The following QKI variants were observed in gnomAD, a reference collection of about 807,000 sequenced individuals.
QKI encodes the protein KH domain-containing RNA-binding protein QKI.
In QKI, 10 loss-of-function variants were observed where a neutral mutation model predicts 39.0. That is an observed-to-expected ratio of 0.26 (90% CI 0.16 to 0.43). QKI has a LOEUF of 0.43. Among genes scored for constraint, QKI ranks in the 20% least tolerant of loss-of-function variants. The pLI is 1.00. For synonymous variants in QKI, 204 were observed against 155.4 expected (o/e 1.31, Z -2.33); for missense variants, 218 against 428.0 (o/e 0.51, Z 4.33).
At chr6:163,437,997 A>G (rs1020091394) in intron 1 of QKI, among the ~76,000 whole-genome samples, 2 of 152,182 alleles carry the variant, frequency 1.3e-5, no homozygotes, top group African/African-American at 4.8e-5. Context: ...GTGTTTGAGT[A>G]GCTTTTAAGG....
intron 1 of QKI, among the ~76,000 whole-genome samples, chr6:163,449,270 A>G (rs1790377357): frequency 6.6e-6 from 1 of 152,216 alleles, no homozygotes; most frequent in Non-Finnish European, 1.5e-5. Context: ...GTGTTTATAT[A>G]TACTTGTCGT....
chr6:163,542,903 A>T (rs1473058332), intron 4 of QKI, among the ~76,000 whole-genome samples: 1 of 152,078 alleles, frequency 6.6e-6, no homozygotes, highest in Non-Finnish European at 1.5e-5. Flanking sequence ...ATTTGAAAAT[A>T]TTCATCAAGA....
chr6:163,538,455 T>C (rs975132223), intron 4 of QKI, among the ~76,000 whole-genome samples: 1 of 151,990 alleles, frequency 6.6e-6, no homozygotes, highest in African/African-American at 2.4e-5. Flanking sequence ...TCAGAGAGTA[T>C]CCAGGGGTCC....
rs1025684162 is a variant in QKI at position 163,567,333 on chromosome 6, G to T, written c.1009+538G>T. 21 of 985,478 alleles carry T rather than the reference G, an allele frequency of 2.1e-5. No homozygotes were observed. In the African/African-American group the frequency reaches 3.5e-4, roughly 16 times the overall value. 61.0% of individuals were successfully genotyped at this position (985,478 alleles called of 1,614,324 possible). ...CAAGTACTTAGCTAAAATCAACAAA[G>T]TGAGGACTGTGAAGATAACTTTCAT... On this transcript the variant is annotated intron_variant, in intron 7 of 7. Coordinates refer to ENST00000361752, the MANE Select transcript of QKI (RefSeq NM_006775.3).
At chr6:163,511,592 C>T (rs1583133354) in intron 3 of QKI, among the ~76,000 whole-genome samples, 2 of 151,770 alleles carry the variant, frequency 1.3e-5, no homozygotes, top group Middle Eastern at 3.4e-3. Flanking sequence ...GTAAATTAGA[C>T]AACTTAGTTG....
At chr6:163,470,126 A>C (rs938335800) in intron 2 of QKI, among the ~76,000 whole-genome samples, 14 of 152,308 alleles carry the variant, frequency 9.2e-5, no homozygotes, top group Middle Eastern at 6.8e-3. Flanking sequence ...GATCAAGGAT[A>C]TAACCGTGTT....
intron 3 of QKI, among the ~76,000 whole-genome samples, chr6:163,499,188 C>T (rs1035198439): frequency 2.1e-4 from 32 of 152,182 alleles, no homozygotes; most frequent in Middle Eastern, 3.4e-3. Flanking sequence ...CTGGTTTCAA[C>T]GTGTTTTGCT....
At chr6:163,524,404 G>A (rs752891916) in intron 3 of QKI, among the ~76,000 whole-genome samples, 7 of 150,806 alleles carry the variant, frequency 4.6e-5, no homozygotes, top group East Asian at 3.9e-4. Context: ...AATTATAACC[G>A]CTAGTCATGT....
chr6:163,494,737 C>T (rs1195759675), intron 3 of QKI, among the ~76,000 whole-genome samples: 1 of 150,624 alleles, frequency 6.6e-6, no homozygotes, highest in Non-Finnish European at 1.5e-5. Flanking sequence ...TTTAAAATGT[C>T]CCTCAAGCAT....
chr6:163,499,101 T>A (rs899724026), intron 3 of QKI, among the ~76,000 whole-genome samples: 2 of 152,138 alleles, frequency 1.3e-5, no homozygotes, highest in African/African-American at 4.8e-5. Context: ...TGCGGCATCA[T>A]GTCAGTGCTC....
intron 5 of QKI, among the ~76,000 whole-genome samples, chr6:163,563,209 T>G (rs1460803418): frequency 6.6e-6 from 1 of 152,236 alleles, no homozygotes; most frequent in Non-Finnish European, 1.5e-5. Context: ...TTTTAATTTT[T>G]GCACATTCTT....
intron 1 of QKI, among the ~76,000 whole-genome samples, chr6:163,425,227 G>A (rs554927694): frequency 6.6e-6 from 1 of 152,314 alleles, no homozygotes; most frequent in Admixed American, 6.5e-5. Context: ...CAGGAGAAGG[G>A]AAGGTGCAGC....
chr6:163,569,112 T>TA (rs1294782036), intron 7 of QKI: 19 of 938,620 alleles, frequency 2.0e-5, no homozygotes, highest in Non-Finnish European at 2.3e-5. Flanking sequence ...TATTTTGGAA[T>TA]ACCTGTGAAG....
At chr6:163,468,699 C>T (rs2128222654) in intron 2 of QKI, among the ~76,000 whole-genome samples, 1 of 151,976 alleles carries the variant, frequency 6.6e-6, no homozygotes, top group South Asian at 2.1e-4. Context: ...ATCTTTTTTT[C>T]CCCTTTTTCT....
intron 4 of QKI, among the ~76,000 whole-genome samples, chr6:163,542,026 G>A (rs1056482487): frequency 6.6e-6 from 1 of 151,842 alleles, no homozygotes; most frequent in South Asian, 2.1e-4. Context: ...ATCCCAAAAG[G>A]CACCATACCA....
At chr6:163,493,042 TTA>T (rs1778161326) in intron 3 of QKI, among the ~76,000 whole-genome samples, 1 of 152,230 alleles carries the variant, frequency 6.6e-6, no homozygotes, top group Non-Finnish European at 1.5e-5. Flanking sequence ...GCGCCGTTAC[TTA>T]TGTGTTAATA....
At chr6:163,459,511 G>A (rs760782286) in intron 2 of QKI, among the ~76,000 whole-genome samples, 8 of 152,156 alleles carry the variant, frequency 5.3e-5, no homozygotes, top group Non-Finnish European at 8.8e-5. Context: ...GAAACCCTGC[G>A]TTAGTGATAC....
At chr6:163,530,720 G>A (rs1780795318) in intron 3 of QKI, among the ~76,000 whole-genome samples, 1 of 152,138 alleles carries the variant, frequency 6.6e-6, no homozygotes, top group Admixed American at 6.5e-5. Flanking sequence ...TGGAAAACGG[G>A]TTGGTCGGTC....
intron 6 of QKI, chr6:163,565,538 T>C (rs1206506757): frequency 1.0e-6 from 1 of 990,434 alleles, no homozygotes; most frequent in South Asian, 4.6e-5. Context: ...TCATGTCTTT[T>C]GTTTGTTGGA....
Sources: allele counts gnomAD v4.1 joint callset (sites outside exome capture counted in the v4.1 genomes callset), GRCh38; gene constraint gnomAD v4.1.1; transcripts MANE v1.5; gene names NCBI Gene and HGNC (gene_info 2026-07-23, HGNC 2026-07-21).